Variants in CCDC93 observed in about 807,000 individuals in gnomAD.
CCDC93 encodes coiled-coil domain-containing protein 93.
In CCDC93, 61 loss-of-function variants were observed where a neutral mutation model predicts 108.2. The ratio of observed to expected loss-of-function variants is 0.56; its 90% CI spans 0.46 to 0.70. CCDC93 has a LOEUF of 0.70. Among genes scored for constraint, CCDC93 ranks in the 30% least tolerant of loss-of-function variants. The pLI, the probability that CCDC93 is intolerant of heterozygous loss-of-function variation, is 0.00. For synonymous variants in CCDC93, 276 were observed against 260.4 expected (o/e 1.06, Z -0.58); for missense variants, 685 against 764.2 (o/e 0.90, Z 1.22).
intron 1 of CCDC93, among the ~76,000 whole-genome samples, chr2:118,010,138 G>A (rs1676985854): frequency 6.6e-6 from 1 of 151,514 alleles, no homozygotes; most frequent in Non-Finnish European, 1.5e-5. Flanking sequence ...TGTATTTTTA[G>A]TAGAGATGGG....
intron 6 of CCDC93, among the ~76,000 whole-genome samples, chr2:117,988,655 G>A (rs932575626): frequency 8.5e-5 from 13 of 152,308 alleles, no homozygotes; most frequent in East Asian, 5.8e-4. Flanking sequence ...ACCACCAAGT[G>A]CAATGTCCTG....
At chr2:117,991,747 T>C (rs920799050) in intron 6 of CCDC93, among the ~76,000 whole-genome samples, 2 of 152,200 alleles carry the variant, frequency 1.3e-5, no homozygotes, top group Middle Eastern at 3.2e-3. Flanking sequence ...GGCATCTACA[T>C]GTCTGACCTT....
chr2:117,941,241 GCTAGGGA>G lies in CCDC93; in HGVS notation c.1463_1469del (p.Val488AlafsTer5). The G allele has an allele frequency of 2.5e-6, 4 of 1,613,992 alleles. No homozygotes were observed. Among genetic ancestry groups the G allele is most frequent in the Non-Finnish European group, 3.4e-6 (4 of 1,179,908 alleles). On this transcript the variant is annotated frameshift_variant, in exon 19 of 24. Coordinates refer to ENST00000376300, the MANE Select transcript of CCDC93 (RefSeq NM_019044.5). LOFTEE classifies it high-confidence loss of function. ...TCTGATACTGTATTAGCTCGGCACG[GCTAGGGA>G]CTTCATCAATCTTGCGGTGCAAAAT...
rs1677741682 is a variant in CCDC93, at chr2:117,918,046, T to A, written c.*2297A>T. On this transcript the variant is annotated 3_prime_UTR_variant, in exon 24 of 24. Coordinates refer to ENST00000376300, the MANE Select transcript of CCDC93 (RefSeq NM_019044.5). ...AGAGCACAATTCCATACTATGTCTGTCTAAGCACACAGAGCCATAGCCCTG... is the reference window on the plus strand; with the variant it reads ...AGAGCACAATTCCATACTATGTCTGACTAAGCACACAGAGCCATAGCCCTG... 6.7e-6 allele frequency: 1 copy of A among 148,834 alleles called. No individual in the cohort carries two copies. The highest frequency in any genetic ancestry group is 2.5e-5 in the African/African-American group (1 of 39,900). The allele number at this position is 148,834 out of a possible 1,614,324, so 9.2% of individuals were successfully genotyped here.
chr2:117,941,484 G>A (rs368807600), intron 18 of CCDC93, among the ~76,000 whole-genome samples, 187 bp from the exon 19 acceptor site: 18 of 152,214 alleles, frequency 1.2e-4, no homozygotes, highest in African/African-American at 3.9e-4. Context: ...CGCTTTCCTA[G>A]GAGTGGGAGG....
In CCDC93 at chr2:117,919,738, T is replaced by C. The variant is rs1430652802; in HGVS notation, c.*605A>G. On this transcript the variant is annotated 3_prime_UTR_variant, in exon 24 of 24. Coordinates refer to ENST00000376300, the MANE Select transcript of CCDC93 (RefSeq NM_019044.5). ...TGCTGTCACCACCAAGCCTGCTGGC[T>C]GGCACCTGGAGGAGCTGGGAACAAA... is the stretch of plus-strand genomic sequence containing the variant. The C allele has an allele frequency of 6.6e-6, 1 of 152,268 alleles. No homozygotes were observed. Among genetic ancestry groups the C allele is most frequent in the Non-Finnish European group, 1.5e-5 (1 of 68,056 alleles). 9.4% of individuals were successfully genotyped at this position (152,268 alleles called of 1,614,324 possible). A position where few individuals can be genotyped will look rare whatever the true frequency, so the allele number is the denominator to read the frequency against.
chr2:118,013,344 C>T (rs1248838409), intron 1 of CCDC93, among the ~76,000 whole-genome samples: 1 of 152,228 alleles, frequency 6.6e-6, no homozygotes, highest in Non-Finnish European at 1.5e-5. Context: ...GTGCGTCCCA[C>T]CCCGAACGCC....
intron 22 of CCDC93, chr2:117,934,740 C>G (rs889259475): frequency 2.0e-5 from 3 of 152,344 alleles, no homozygotes; most frequent in African/African-American, 7.2e-5. Context: ...CTGGAGCCCT[C>G]TGCCCCAAGA....
intron 7 of CCDC93, among the ~76,000 whole-genome samples, chr2:117,984,280 CA>C (rs1222973624): frequency 6.6e-6 from 1 of 152,202 alleles, no homozygotes; most frequent in Non-Finnish European, 1.5e-5. Flanking sequence ...TAGCAGAAGT[CA>C]GCATGACCAT....
chr2:117,952,202 G>T (rs968789662), intron 13 of CCDC93, among the ~76,000 whole-genome samples, 171 bp downstream of exon 13: 1 of 151,528 alleles, frequency 6.6e-6, no homozygotes, highest in Non-Finnish European at 1.5e-5. Flanking sequence ...TGATGACATG[G>T]GTCACGCACT....
chr2:118,000,755 G>T, intron 4 of CCDC93, 66 bp downstream of exon 4: 1 of 1,040,566 alleles, frequency 9.6e-7, no homozygotes, highest in Non-Finnish European at 1.5e-6. Context: ...CCCATTACAG[G>T]ACAAGCCAGG....
intron 22 of CCDC93, among the ~76,000 whole-genome samples, chr2:117,933,323 T>A (rs1301085811): frequency 6.8e-6 from 1 of 146,570 alleles, no homozygotes; most frequent in Non-Finnish European, 1.5e-5. Flanking sequence ...GAAGCAGGAG[T>A]TGACTCTTTG....
intron 14 of CCDC93, 24 bp from the exon 15 acceptor site, chr2:117,948,210 G>A (rs750026117): frequency 8.4e-6 from 13 of 1,543,472 alleles, no homozygotes; most frequent in African/African-American, 1.4e-5. Flanking sequence ...ACAAAAAAAT[G>A]ACATATGGCA....
intron 6 of CCDC93, among the ~76,000 whole-genome samples, chr2:117,994,731 A>G (rs17512472): frequency 0.041 from 6,185 of 152,288 alleles, 134 homozygotes; most frequent in Middle Eastern, 0.075. Context: ...ACAAGAAACT[A>G]TGCAACTATG....
intron 6 of CCDC93, among the ~76,000 whole-genome samples, chr2:117,989,738 C>T (rs761292404): frequency 1.3e-5 from 2 of 152,080 alleles, no homozygotes; most frequent in African/African-American, 2.4e-5. Context: ...ATAAACTAAT[C>T]GGTATATTTA....
rs1268023433 is a variant in CCDC93, at chr2:117,915,614, G to C, written c.*4729C>G. The stretch of plus-strand genomic sequence containing the variant: ...TTTTTAATAGATAATACATGTACAT[G>C]GTACAAAATTCAAAAGGTACAAAAG... On this transcript the variant is annotated 3_prime_UTR_variant, in exon 24 of 24. Transcript: ENST00000376300. 1 of 152,042 alleles carries C rather than the reference G, an allele frequency of 6.6e-6. No homozygotes were observed. Among genetic ancestry groups the C allele is most frequent in the African/African-American group, 2.4e-5 (1 of 41,378 alleles). 9.4% of individuals were successfully genotyped at this position (152,042 alleles called of 1,614,324 possible).
At chr2:117,949,459 TC>T in intron 13 of CCDC93, 64 bp from the exon 14 acceptor site, 2 of 1,156,976 alleles carry the variant, frequency 1.7e-6, no homozygotes, top group Non-Finnish European at 2.6e-6. Flanking sequence ...AACTTCACCT[TC>T]TTTTTGTGAG....
At chr2:117,940,190 T>C (rs554711121) in intron 19 of CCDC93, among the ~76,000 whole-genome samples, 1 of 151,602 alleles carries the variant, frequency 6.6e-6, no homozygotes, top group Non-Finnish European at 1.5e-5. Flanking sequence ...GAATACGGAG[T>C]AGGAGGGCCG....
intron 12 of CCDC93, among the ~76,000 whole-genome samples, chr2:117,956,665 A>C (rs1240031238): frequency 6.6e-6 from 1 of 152,150 alleles, no homozygotes; most frequent in Non-Finnish European, 1.5e-5. Flanking sequence ...AAAATGTCTA[A>C]ACAAATAACT....
Sources: gnomAD v4.1 joint callset for allele counts (sites outside exome capture counted in the v4.1 genomes callset) on GRCh38, gnomAD v4.1.1 for gene constraint, MANE v1.5 for transcripts, NCBI Gene and HGNC (gene_info 2026-07-23, HGNC 2026-07-21) for gene names.